DBNDD1: variants seen among roughly 807,000 people sequenced by gnomAD.
DBNDD1 encodes dysbindin domain containing 1.
In DBNDD1, 14 loss-of-function variants were observed where a neutral mutation model predicts 17.0. The ratio of observed to expected loss-of-function variants is 0.82; its 90% CI spans 0.54 to 1.29. The LOEUF (loss-of-function observed/expected upper bound fraction) is 1.29. DBNDD1 is among the 50% of genes most tolerant of loss of function. The pLI is 0.00. For synonymous variants in DBNDD1, 105 were observed against 102.0 expected, an observed-to-expected ratio of 1.03 and a Z score of -0.18; for missense variants, 221 against 216.2, an observed-to-expected ratio of 1.02 and a Z score of -0.14.
At position 90,006,526 on chromosome 16, in the gene DBNDD1, C is replaced by G. The variant is rs745780151; in HGVS notation, c.320-34G>C. On this transcript the variant is annotated intron_variant, in intron 3 of 3. Coordinates refer to ENST00000002501, the MANE Select transcript of DBNDD1 (RefSeq NM_001042610.3). ...ATGCGGGAAGGGGAACTCGGTGTGG[C>G]TGAGAGGCCTGGGTGGATGCTGCGG... 9 of 1,588,264 alleles carry G rather than the reference C, an allele frequency of 5.7e-6. No individual in the cohort carries two copies. The South Asian group carries it at 1.0e-4, about 18-fold the overall frequency.
chr16:90,010,400 G>A (rs1419644908), intron 1 of DBNDD1, among the ~76,000 whole-genome samples: 1 of 126,140 alleles, frequency 7.9e-6, no homozygotes, highest in Non-Finnish European at 1.6e-5. Context: ...ACAGAGTCTC[G>A]CTCTGTCACC....
rs2035495196 is a variant in DBNDD1 at position 90,008,916 on chromosome 16, T to C, written c.187A>G (p.Ser63Gly). 1.3e-6 allele frequency: 2 copies of C among 1,563,824 alleles called. No individual in the cohort carries two copies. Among genetic ancestry groups the C allele is most frequent in the Middle Eastern group, 1.9e-4 (1 of 5,164 alleles). ...LQVTERRQPLSSVSSLEVHFD... is the reference protein window; with the variant it reads ...LQVTERRQPLGSVSSLEVHFD... ...TGGACCTCCAGAGAGGAGACGCTGC[T>C]CAGAGGCTCTGAGGGCAGAGGGGGT... is the stretch of plus-strand genomic sequence containing the variant. Residue 63 changes from serine (S) to glycine (G), a missense_variant, in exon 3 of 4, where the codon AGC becomes GGC. Physicochemically the swap from Ser to Gly is moderately conservative, Grantham distance 56. Transcript: ENST00000002501.
chr16:90,009,016 C>T lies in DBNDD1; in HGVS notation c.179-92G>A, dbSNP rs546574714. 402 of 1,432,282 alleles carry T rather than the reference C, an allele frequency of 2.8e-4. 2 individuals carry two copies. In the African/African-American group the frequency reaches 4.9e-3, roughly 17 times the overall value. 88.7% of individuals were successfully genotyped at this position (1,432,282 alleles called of 1,614,324 possible). A position where few individuals can be genotyped will look rare whatever the true frequency, so the allele number is the denominator to read the frequency against. ...CTAGGAGAGAGTGTGCTGTGTCCTC[C>T]CACAAGGCTGTGGGTGAACCACAGC... is the stretch of plus-strand genomic sequence containing the variant. On this transcript the variant is annotated intron_variant, in intron 2 of 3. Transcript: ENST00000002501.
At chr16:90,018,513 G>C (rs2035688483) in intron 1 of DBNDD1, among the ~76,000 whole-genome samples, 1 of 152,246 alleles carries the variant, frequency 6.6e-6, no homozygotes, top group Non-Finnish European at 1.5e-5. Flanking sequence ...AGGAAACCAG[G>C]AGGTGGTGGG....
intron 1 of DBNDD1, chr16:90,010,109 A>C (rs1164410045): frequency 2.6e-6 from 4 of 1,518,102 alleles, no homozygotes; most frequent in Non-Finnish European, 3.6e-6. Flanking sequence ...GCAGTGGTGC[A>C]ATCTCGGCTC....
chr16:90,014,598 T>A (rs2035609059), intron 1 of DBNDD1, among the ~76,000 whole-genome samples: 1 of 152,140 alleles, frequency 6.6e-6, no homozygotes, highest in African/African-American at 2.4e-5. Flanking sequence ...GCAGTCCTCA[T>A]TATAGATCCT....
intron 1 of DBNDD1, among the ~76,000 whole-genome samples, chr16:90,015,513 A>C (rs1305005663): frequency 1.3e-5 from 2 of 152,164 alleles, no homozygotes; most frequent in Non-Finnish European, 2.9e-5. Context: ...ACTTTGAGGG[A>C]GGTGGGCACC....
intron 1 of DBNDD1, among the ~76,000 whole-genome samples, chr16:90,018,575 G>T (rs1333887420): frequency 6.6e-6 from 1 of 152,230 alleles, no homozygotes; most frequent in East Asian, 1.9e-4. Context: ...TTCCTACCTA[G>T]GCAAATGGAA....
Position 90,019,344 on chromosome 16 carries a change from G to C in DBNDD1, c.-3C>G, listed in dbSNP as rs2035724200. ...CCGGCGCCCTCCGGGGGCTCCATGCGGCCGGTGCGGTCTGGGAGGGGCACG... is the reference window on the plus strand; with the variant it reads ...CCGGCGCCCTCCGGGGGCTCCATGCCGCCGGTGCGGTCTGGGAGGGGCACG... On this transcript the variant is annotated 5_prime_UTR_variant, in exon 1 of 4. Coordinates refer to ENST00000002501, the MANE Select transcript of DBNDD1 (RefSeq NM_001042610.3). This position sits in a 1 kb window ranked among gnomAD's most constrained non-coding sequence, Gnocchi z 6.1. The C allele has an allele frequency of 8.2e-7, 1 of 1,217,776 alleles. No individual in the cohort carries two copies. The highest frequency in any genetic ancestry group is 1.0e-6 in the Non-Finnish European group (1 of 978,810). The allele number at this position is 1,217,776 out of a possible 1,614,324, so 75.4% of individuals were successfully genotyped here.
intron 1 of DBNDD1, among the ~76,000 whole-genome samples, chr16:90,010,947 T>C (rs919387720): frequency 4.6e-5 from 7 of 152,094 alleles, no homozygotes; most frequent in Admixed American, 2.0e-4. Context: ...CCCCCACCCA[T>C]TGCCCCTGCA....
intron 2 of DBNDD1, 88 bp downstream of exon 2, chr16:90,009,196 T>G: frequency 6.4e-7 from 1 of 1,557,518 alleles, no homozygotes; most frequent in Non-Finnish European, 8.6e-7. Context: ...CAGGGAGTGT[T>G]TGGACAGGAG....
chr16:90,019,819 GA>G, upstream of DBNDD1: 2 of 687,992 alleles, frequency 2.9e-6, no homozygotes. The surrounding 1 kb of genome is among the most constrained non-coding windows in gnomAD (Gnocchi z 6.1). Flanking sequence ...CGGGGCTGGC[GA>G]GGGGCACAGG....
intron 1 of DBNDD1, chr16:90,011,842 G>T (rs968957021): frequency 6.1e-6 from 2 of 328,852 alleles, no homozygotes; most frequent in African/African-American, 2.2e-5. Context: ...GTGAGCAGGG[G>T]GACCTCCCGG....
chr16:90,011,705 A>T, intron 1 of DBNDD1: 2 of 454,784 alleles, frequency 4.4e-6, no homozygotes, highest in Non-Finnish European at 8.8e-6. Flanking sequence ...ATCTGGAATG[A>T]GGTTTCTGAG....
intron 1 of DBNDD1, among the ~76,000 whole-genome samples, chr16:90,010,859 C>T (rs929699134): frequency 6.6e-5 from 10 of 152,224 alleles, no homozygotes; most frequent in African/African-American, 1.7e-4. Context: ...CAGGCCTGTC[C>T]CTGGGTGCAT....
At chr16:90,010,426 G>C (rs1029531394) in intron 1 of DBNDD1, among the ~76,000 whole-genome samples, 7 of 146,628 alleles carry the variant, frequency 4.8e-5, no homozygotes, top group African/African-American at 1.8e-4. Context: ...GGAGTGCAGT[G>C]GCGCGATCTC....
At chr16:90,014,986 C>T (rs2035615854) in intron 1 of DBNDD1, among the ~76,000 whole-genome samples, 1 of 143,502 alleles carries the variant, frequency 7.0e-6, no homozygotes, top group Non-Finnish European at 1.5e-5. Context: ...GCCTGGGCGA[C>T]AGAACGAGAC....
chr16:90,019,465 G>C, upstream of DBNDD1: 3 of 345,096 alleles, frequency 8.7e-6, no homozygotes, highest in Non-Finnish European at 1.3e-5. This position sits in a 1 kb window ranked among gnomAD's most constrained non-coding sequence, Gnocchi z 6.1. Context: ...GCAACCGGGG[G>C]GCCGCGGCGG....
chr16:90,018,477 T>C (rs2035687121), intron 1 of DBNDD1, among the ~76,000 whole-genome samples: 1 of 152,186 alleles, frequency 6.6e-6, no homozygotes, highest in South Asian at 2.1e-4. Context: ...CTCAGGCACC[T>C]GCTGGCTCCC....
Sources: gnomAD v4.1 joint callset for allele counts (sites outside exome capture counted in the v4.1 genomes callset) on GRCh38, gnomAD v4.1.1 for gene constraint, Gnocchi (gnomAD v3.1) non-coding constraint, MANE v1.5 for transcripts, NCBI Gene and HGNC (gene_info 2026-07-23, HGNC 2026-07-21) for gene names.